The following MYO7B variants were observed in gnomAD, a reference collection of about 807,000 sequenced individuals.
MYO7B encodes the protein myosin VIIB, also known as unconventional myosin-VIIb.
MYO7B carries 212 observed loss-of-function variants against 259.7 expected under a neutral mutation model. The observed-to-expected ratio is 0.82, with a 90% CI of 0.73 to 0.91. The LOEUF (loss-of-function observed/expected upper bound fraction) is 0.91. MYO7B is among the 40% of genes least tolerant of loss of function. The probability of loss-of-function intolerance (pLI) is 0.00; values close to 1 mark genes in which losing one functional copy is unlikely to be tolerated. For synonymous variants in MYO7B, 1,197 were observed against 1,166.4 expected (o/e 1.03, Z -0.54); for missense variants, 2,732 against 2,813.5 (o/e 0.97, Z 0.66).
At chr2:127,625,254 A>T (rs1681046516) in intron 30 of MYO7B, 114 bp from the exon 31 acceptor site, 2 of 1,264,992 alleles carry the variant, frequency 1.6e-6, no homozygotes, top group African/African-American at 3.1e-5. Flanking sequence ...CCCGAGCCAC[A>T]GGTTAGCTCC....
chr2:127,588,732 AGTGGGTGGATGGGTAGTGG>A (rs1168697212), intron 15 of MYO7B, among the ~76,000 whole-genome samples, 177 bp downstream of exon 15: 2 of 116,182 alleles, frequency 1.7e-5, no homozygotes, highest in Non-Finnish European at 3.5e-5. Context: ...TAGATGGGTG[AGTGGGTGGATGGGTAGTGG>A]GTGGGTGGAT....
intron 1 of MYO7B, among the ~76,000 whole-genome samples, chr2:127,537,908 A>T (rs1050132414): frequency 6.6e-6 from 1 of 152,194 alleles, no homozygotes; most frequent in African/African-American, 2.4e-5. Flanking sequence ...CGAGCTCAGG[A>T]TGAAGTCAAG....
At chr2:127,588,622 A>G in intron 15 of MYO7B, 67 bp downstream of exon 15, 10 of 1,580,152 alleles carry the variant, frequency 6.3e-6, no homozygotes, top group Non-Finnish European at 8.6e-6. Context: ...AGACATGTAC[A>G]GGAAAGACTG....
intron 26 of MYO7B, among the ~76,000 whole-genome samples, chr2:127,619,301 G>T (rs1434846990): frequency 7.4e-5 from 9 of 120,908 alleles, no homozygotes; most frequent in Admixed American, 6.6e-4. Flanking sequence ...GGGGGTGGTT[G>T]GGTTGTGGGG....
Position 127,581,888 on chromosome 2 carries a change from C to A in MYO7B, c.1081-3C>A. 6.2e-7 allele frequency: 1 copy of A among 1,613,662 alleles called. No individual in the cohort carries two copies. Among genetic ancestry groups the A allele is most frequent in the South Asian group, 1.1e-5 (1 of 91,076 alleles). On this transcript the variant is annotated splice_region_variant and splice_polypyrimidine_tract_variant and intron_variant, in intron 10 of 47. Coordinates refer to ENST00000409816, the MANE Select transcript of MYO7B (RefSeq NM_001393586.1). Reference sequence around the variant, plus strand: ...GCGACGCAGCCCCCACCTGCCTCCCCAGGTGCAGCACCAGGAGCTCCGGGA... The same window carrying A: ...GCGACGCAGCCCCCACCTGCCTCCCAAGGTGCAGCACCAGGAGCTCCGGGA...
chr2:127,603,987 GC>G (rs765143353), intron 19 of MYO7B, among the ~76,000 whole-genome samples: 3 of 152,158 alleles, frequency 2.0e-5, no homozygotes, highest in Non-Finnish European at 2.9e-5. Flanking sequence ...CAAAAAATTA[GC>G]CGGGCATGGT....
In MYO7B at chr2:127,636,614, C is replaced by T. The variant is rs1377830952; in HGVS notation, c.6193C>T (p.His2065Tyr). 4 of 1,612,396 alleles carry T rather than the reference C, an allele frequency of 2.5e-6. No individual in the cohort carries two copies. The highest frequency in any genetic ancestry group is 3.4e-6 in the Non-Finnish European group (4 of 1,179,270). Residue 2065 changes from histidine to tyrosine, a missense_variant, in exon 46 of 48, where the codon CAC (histidine) becomes TAC (tyrosine). By Grantham distance (83) the His-to-Tyr change is moderately conservative. Transcript: ENST00000409816. This position sits in a 1 kb window ranked among gnomAD's most constrained non-coding sequence, Gnocchi z 4.5. ...AINRHGVLLI[H>Y]PKTKDLLTTY... ...CAACCGACATGGGGTTCTGCTCATC[C>T]ACCCCAAGACCAAGGTAGCTGCTGG...
At chr2:127,574,454 T>C (rs2104908636) in intron 7 of MYO7B, among the ~76,000 whole-genome samples, 1 of 152,278 alleles carries the variant, frequency 6.6e-6, no homozygotes, top group South Asian at 2.1e-4. Flanking sequence ...GCATGAGAAT[T>C]GCTTGAGCCT....
chr2:127,590,704 G>A lies in MYO7B; in HGVS notation c.1992+475G>A, dbSNP rs1679524117. Among the ~76,000 whole-genome samples, 1 of 152,168 alleles carries A rather than the reference G, an allele frequency of 6.6e-6. No homozygotes were observed. Among genetic ancestry groups the A allele is most frequent in the Admixed American group, 6.5e-5 (1 of 15,280 alleles). On this transcript the variant is annotated intron_variant, in intron 16 of 47. Coordinates refer to ENST00000409816, the MANE Select transcript of MYO7B (RefSeq NM_001393586.1). The surrounding 1 kb of genome is among the most constrained non-coding windows in gnomAD (Gnocchi z 4.6). ...TTTACCTGCTGTGAGACGGTGAGGGGGTGAGAGCCCACACTCCCTGCCCAC... is the reference window on the plus strand; with the variant it reads ...TTTACCTGCTGTGAGACGGTGAGGGAGTGAGAGCCCACACTCCCTGCCCAC...
chr2:127,554,080 T>C (rs1035055164), intron 1 of MYO7B, among the ~76,000 whole-genome samples: 1 of 152,224 alleles, frequency 6.6e-6, no homozygotes, highest in Admixed American at 6.5e-5. Flanking sequence ...TTTTTATTTA[T>C]TTATTTATTT....
chr2:127,570,852 AG>A (rs1412183816), intron 6 of MYO7B, among the ~76,000 whole-genome samples: 5 of 151,708 alleles, frequency 3.3e-5, no homozygotes, highest in Non-Finnish European at 7.4e-5. Flanking sequence ...GTAAAATCAC[AG>A]GGTTTGTAGC....
chr2:127,582,666 C>A (rs542086252), intron 12 of MYO7B, among the ~76,000 whole-genome samples: 1 of 152,326 alleles, frequency 6.6e-6, no homozygotes, highest in Admixed American at 6.5e-5. Flanking sequence ...AAGGCCCCGG[C>A]ATTTGTCACC....
intron 6 of MYO7B, 51 bp downstream of exon 6, chr2:127,569,961 T>C: frequency 6.4e-7 from 1 of 1,571,280 alleles, no homozygotes; most frequent in South Asian, 1.2e-5. Context: ...CCTGGAGCCT[T>C]CCTGCCAGGT....
At chr2:127,604,879 A>G (rs1553454003) in intron 19 of MYO7B, among the ~76,000 whole-genome samples, 1 of 152,240 alleles carries the variant, frequency 6.6e-6, no homozygotes, top group Non-Finnish European at 1.5e-5. Context: ...GTAACACTAA[A>G]GATCACAGAT....
At position 127,627,227 on chromosome 2, in the gene MYO7B, G is replaced by C. The variant is rs911132640; in HGVS notation, c.4377G>C (p.Trp1459Cys). 12 of 1,611,090 alleles carry C rather than the reference G, an allele frequency of 7.4e-6. No homozygotes were observed. The highest frequency in any genetic ancestry group is 1.0e-5 in the Non-Finnish European group (12 of 1,178,940). Residue 1459 changes from tryptophan (W) to cysteine (C), a missense_variant, in exon 33 of 48, where the codon TGG becomes TGC. By Grantham distance (215) the Trp-to-Cys change is radical. Around this residue, in one of 3 missense-constraint regions of MYO7B, gnomAD observed 1,906 missense variants for 2,026.4 expected, o/e 0.94. Transcript: ENST00000409816. This position sits in a 1 kb window ranked among gnomAD's most constrained non-coding sequence, Gnocchi z 5.6. ...CGCAGCTGATCTTGGCTGTTAACTG[G>C]AAGGGGCTTTGCTTCCTGGACCAGC... ...PKTQLILAVN[W>C]KGLCFLDQQE...
chr2:127,636,838 C>T lies in MYO7B; in HGVS notation c.6252C>T (p.Ser2084=), dbSNP rs749852097. ...CCTTCACCAAGATCTCCAGCTGGAG[C>T]AGCGGCAGCACCTACTTCCACATGG... ...TYPFTKISSW[S]SGSTYFHMAL... is the part of the protein sequence containing the mutation. Residue 2084 remains serine (S), a synonymous_variant, in exon 47 of 48, where the codon AGC becomes AGT. Transcript: ENST00000409816. This position sits in a 1 kb window ranked among gnomAD's most constrained non-coding sequence, Gnocchi z 4.5. The T allele has an allele frequency of 7.4e-6, 12 of 1,613,466 alleles. No homozygotes were observed. In the African/African-American group the frequency reaches 1.2e-4, roughly 16 times the overall value.
rs1678935566 is a variant in MYO7B at position 127,577,811 on chromosome 2, AGT to A, written c.850-319_850-318del. ...GCCTGGCCCATGGCGAGCCATGGAA[AGT>A]GTTTCTTAAAGGAACAAACCCACAG... is the stretch of plus-strand genomic sequence containing the variant. On this transcript the variant is annotated intron_variant, in intron 8 of 47. Coordinates refer to ENST00000409816, the MANE Select transcript of MYO7B (RefSeq NM_001393586.1). The surrounding 1 kb of genome is among the most constrained non-coding windows in gnomAD (Gnocchi z 5.2). Among the ~76,000 whole-genome samples, 1 of 152,222 alleles carries A rather than the reference AGT, an allele frequency of 6.6e-6. No individual in the cohort carries two copies. The highest frequency in any genetic ancestry group is 1.5e-5 in the Non-Finnish European group (1 of 68,026).
chr2:127,618,279 A>G lies in MYO7B; in HGVS notation c.3399-2061A>G, dbSNP rs112744984. 3.4e-3 allele frequency among the ~76,000 whole-genome samples: 523 copies of G among 152,336 alleles called. 3 individuals are homozygous for G. The highest frequency in any genetic ancestry group is 0.012 in the African/African-American group (483 of 41,564). On this transcript the variant is annotated intron_variant, in intron 26 of 47. Transcript: ENST00000409816. ...ACGAAGGGGGATGAACGTAGAAATG[A>G]AAACTTAAAACAAAAGAAACTGTTT... is the stretch of plus-strand genomic sequence containing the variant.
At position 127,590,126 on chromosome 2, in the gene MYO7B, G is replaced by C; in HGVS notation, c.1889G>C (p.Gly630Ala). 1 of 1,603,824 alleles carries C rather than the reference G, an allele frequency of 6.2e-7. No individual in the cohort carries two copies. The highest frequency in any genetic ancestry group is 8.5e-7 in the Non-Finnish European group (1 of 1,175,792). The change falls in exon 16 of 48, where the codon GGA becomes GCA. Residue 630 changes from glycine (G) to alanine (A), a missense_variant. Physicochemically the swap from Gly to Ala is moderately conservative, Grantham distance 60 (BLOSUM62 0). Coordinates refer to ENST00000409816, the MANE Select transcript of MYO7B (RefSeq NM_001393586.1). The surrounding 1 kb of genome is among the most constrained non-coding windows in gnomAD (Gnocchi z 4.6). ...TCAAATAAACGGCCCTCCACCTTAGGAAGCCAGTTCAAACAGTCTCTGGAC... is the reference window on the plus strand; with the variant it reads ...TCAAATAAACGGCCCTCCACCTTAGCAAGCCAGTTCAAACAGTCTCTGGAC... Reference protein sequence around the residue: ...ADSNKRPSTLGSQFKQSLDQL... With the variant: ...ADSNKRPSTLASQFKQSLDQL...
Sources: allele counts gnomAD v4.1 joint callset (sites outside exome capture counted in the v4.1 genomes callset), GRCh38; gene constraint gnomAD v4.1.1; regional missense constraint gnomAD v4.1.1; non-coding constraint Gnocchi (gnomAD v3.1); transcripts MANE v1.5; gene names NCBI Gene and HGNC (gene_info 2026-07-23, HGNC 2026-07-21).